Variants in CFAP65 observed in about 807,000 individuals in gnomAD.
CFAP65 encodes the protein cilia and flagella associated protein 65, also known as cilia- and flagella-associated protein 65.
Under a neutral mutation model 208.0 loss-of-function variants are expected in CFAP65, and 155 were observed. The observed-to-expected ratio is 0.75, with a 90% CI of 0.65 to 0.85. The LOEUF (loss-of-function observed/expected upper bound fraction) is 0.85, where lower values mean the gene tolerates loss of function less well. CFAP65 is among the 40% of genes least tolerant of loss of function. The pLI is 0.00. For synonymous variants in CFAP65, 970 were observed against 986.3 expected, an observed-to-expected ratio of 0.98 and a Z score of 0.31; for missense variants, 2,294 against 2,451.3, an observed-to-expected ratio of 0.94 and a Z score of 1.36.
chr2:219,038,850 A>T (rs1402288648), intron 3 of CFAP65, 46 bp downstream of exon 3: 3 of 1,563,232 alleles, frequency 1.9e-6, no homozygotes, highest in Non-Finnish European at 2.6e-6. Context: ...CACACTTGGC[A>T]CTGCTCAGCA....
chr2:219,009,608 G>A (rs1946288297), intron 27 of CFAP65, 148 bp from the exon 28 acceptor site: 23 of 534,102 alleles, frequency 4.3e-5, no homozygotes, highest in South Asian at 4.2e-4. Flanking sequence ...GGATGGGATG[G>A]GACAAGATGG....
At chr2:219,027,493 G>A in intron 13 of CFAP65, 157 bp downstream of exon 13, 3 of 1,587,080 alleles carry the variant, frequency 1.9e-6, no homozygotes, top group Non-Finnish European at 2.6e-6. Context: ...AGCTTTGGAG[G>A]AGACAAACTC....
chr2:219,029,630 T>C lies in CFAP65; in HGVS notation c.1423A>G (p.Ser475Gly), dbSNP rs1451178675. ...VSLQHYCVNF[S>G]WVNLGERSEQ... ...GAGCGCTCCCCAAGGTTGACCCAGCTGAAGTTGACACAGTAGTGCTGCAGG... is the reference window on the plus strand; with the variant it reads ...GAGCGCTCCCCAAGGTTGACCCAGCCGAAGTTGACACAGTAGTGCTGCAGG... Residue 475 changes from serine (S) to glycine (G), a missense_variant, in exon 11 of 35, where the codon AGC becomes GGC. Ser to Gly is a moderately conservative substitution (Grantham distance 56, BLOSUM62 0). This residue lies in a region of CFAP65 where 867 missense variants were observed against 1,012.6 expected (regional missense o/e 0.86). Transcript: ENST00000341552. 6.2e-7 allele frequency: 1 copy of C among 1,614,050 alleles called. No individual in the cohort carries two copies. Among genetic ancestry groups the C allele is most frequent in the South Asian group, 1.1e-5 (1 of 91,080 alleles).
rs1175686541 is a variant in CFAP65 at position 219,004,869 on chromosome 2, T to C, written c.5052-414A>G. Among the ~76,000 whole-genome samples the C allele has an allele frequency of 6.8e-6, 1 of 146,302 alleles. No individual in the cohort carries two copies. Among genetic ancestry groups the C allele is most frequent in the Non-Finnish European group, 1.5e-5 (1 of 67,926 alleles). On this transcript the variant is annotated intron_variant, in intron 32 of 34. Transcript: ENST00000341552. The surrounding 1 kb of genome is among the most constrained non-coding windows in gnomAD (Gnocchi z 4.7). Reference sequence around the variant, plus strand: ...GTGGTGGGATCTTGCAAAGAAGTTCTGTTTCTTTTTTTCTTTTCTCTCTCT... The same window carrying C: ...GTGGTGGGATCTTGCAAAGAAGTTCCGTTTCTTTTTTTCTTTTCTCTCTCT...
At chr2:219,022,127 G>A (rs200482738) in intron 17 of CFAP65, 44 bp downstream of exon 17, 55 of 1,527,374 alleles carry the variant, frequency 3.6e-5, no homozygotes, top group Admixed American at 2.6e-4. Flanking sequence ...CCACCTGTCC[G>A]GGCCTCTCCC....
Position 219,039,054 on chromosome 2 carries a change from A to C in CFAP65, c.-2-4T>G. On this transcript the variant is annotated splice_region_variant and splice_polypyrimidine_tract_variant and intron_variant, in intron 2 of 34. Coordinates refer to ENST00000341552, the MANE Select transcript of CFAP65 (RefSeq NM_194302.4). ...CAACCGGTTAAGGTAAACATCACTG[A>C]AATAAATCAATCAAAGCATAAGTCA... 1.3e-6 allele frequency: 2 copies of C among 1,597,484 alleles called. No individual in the cohort carries two copies. The highest frequency in any genetic ancestry group is 1.7e-6 in the Non-Finnish European group (2 of 1,171,244).
In CFAP65 at chr2:219,031,136, G is replaced by T; in HGVS notation, c.985C>A (p.Gln329Lys). Residue 329 changes from glutamine to lysine, a missense_variant, in exon 8 of 35, where the codon CAG becomes AAG. Physicochemically the swap from Gln to Lys is moderately conservative, Grantham distance 53 (BLOSUM62 1). Transcript: ENST00000341552. The surrounding 1 kb of genome is among the most constrained non-coding windows in gnomAD (Gnocchi z 5.2). Reference sequence around the variant, plus strand: ...GCCTGCAGCTGGATGCTGCTCCTCTGCCGGCTGCCCGCCCCGTACCAGCAC... The same window carrying T: ...GCCTGCAGCTGGATGCTGCTCCTCTTCCGGCTGCCCGCCCCGTACCAGCAC... ...ATCWYGAGSR[Q>K]RSSIQLQAVA... 6.2e-7 allele frequency: 1 copy of T among 1,600,820 alleles called. No individual in the cohort carries two copies.
chr2:219,021,657 C>T, intron 18 of CFAP65, 123 bp downstream of exon 18: 1 of 1,104,580 alleles, frequency 9.1e-7, no homozygotes. Flanking sequence ...GCAATACTCC[C>T]ACCTCAGCTT....
At chr2:219,026,273 C>T (rs1266584908) in intron 13 of CFAP65, 114 bp from the exon 14 acceptor site, 2 of 1,121,790 alleles carry the variant, frequency 1.8e-6, no homozygotes, top group Non-Finnish European at 2.5e-6. Context: ...TGGACACAGA[C>T]AGGAGGGCCT....
chr2:219,040,865 C>G (rs975191692), intron 1 of CFAP65, among the ~76,000 whole-genome samples: 1 of 152,224 alleles, frequency 6.6e-6, no homozygotes, highest in African/African-American at 2.4e-5. Flanking sequence ...ATTTCTCCAT[C>G]TCCCGGAGCC....
chr2:219,023,560 G>A (rs955845353), intron 15 of CFAP65, 129 bp from the exon 16 acceptor site: 2 of 676,008 alleles, frequency 3.0e-6, no homozygotes, highest in Non-Finnish European at 5.2e-6. Flanking sequence ...CCCTCTGCCA[G>A]CCCGTGTACC....
rs1321508903 is a variant in CFAP65, at chr2:219,023,381, G to A, written c.2646C>T (p.Thr882=). 1.2e-6 allele frequency: 2 copies of A among 1,600,872 alleles called. No homozygotes were observed. The highest frequency in any genetic ancestry group is 1.3e-5 in the African/African-American group (1 of 74,796). Residue 882 remains threonine (T), a synonymous_variant, in exon 16 of 35, where the codon ACC becomes ACT. Transcript: ENST00000341552. Reference sequence around the variant, plus strand: ...TGGGCTTGAAGTAGAGGCTTTTGTGGGTGTCCAGCTTCAGCTGCAGTGGCT... The same window carrying A: ...TGGGCTTGAAGTAGAGGCTTTTGTGAGTGTCCAGCTTCAGCTGCAGTGGCT... The part of the protein sequence containing the change: ...REEPLQLKLD[T]HKSLYFKPTW...
chr2:219,024,486 CAGGGGG>C (rs1947500493), intron 14 of CFAP65, among the ~76,000 whole-genome samples: 1 of 8,292 alleles, frequency 1.2e-4, no homozygotes, highest in African/African-American at 1.0e-3. Flanking sequence ...GGGGGGGGGG[CAGGGGG>C]GCGGGGGCAC....
chr2:219,038,583 G>A lies in CFAP65; in HGVS notation c.154-5C>T. 1 of 1,611,760 alleles carries A rather than the reference G, an allele frequency of 6.2e-7. No individual in the cohort carries two copies. The highest frequency in any genetic ancestry group is 8.5e-7 in the Non-Finnish European group (1 of 1,178,406). ...GGGAGCACTCTGAGTATGGAGCTGGGAAGAGAGCAGAGGGGAGAGGAGACA... is the reference window on the plus strand; with the variant it reads ...GGGAGCACTCTGAGTATGGAGCTGGAAAGAGAGCAGAGGGGAGAGGAGACA... On this transcript the variant is annotated splice_polypyrimidine_tract_variant and splice_region_variant and intron_variant, in intron 3 of 34. Transcript: ENST00000341552.
intron 21 of CFAP65, among the ~76,000 whole-genome samples, chr2:219,016,337 C>G (rs571623441): frequency 6.8e-6 from 1 of 146,384 alleles, no homozygotes; most frequent in South Asian, 2.2e-4. Flanking sequence ...CTCTGTCACC[C>G]AGGCTAGAGT....
At chr2:219,025,924 T>C (rs1947598679) in intron 14 of CFAP65, 98 bp downstream of exon 14, 2 of 1,471,288 alleles carry the variant, frequency 1.4e-6, no homozygotes, top group South Asian at 1.2e-5. Context: ...CAAAGATGTG[T>C]TTCTGAGGCC....
In CFAP65 at chr2:219,035,179, T is replaced by C. The variant is rs149325885; in HGVS notation, c.542+301A>G. On this transcript the variant is annotated intron_variant, in intron 5 of 34. Transcript: ENST00000341552. ...TACCTGGTATTCCCCAGAAAAACTC[T>C]TGTACTTATGTAACTGGACACATAT... 610 of 742,608 alleles carry C rather than the reference T, an allele frequency of 8.2e-4. 3 individuals are homozygous for C. In the African/African-American group the frequency reaches 9.0e-3, roughly 11 times the overall value. The allele number at this position is 742,608 out of a possible 1,614,324, so 46.0% of individuals were successfully genotyped here. A position where few individuals can be genotyped will look rare whatever the true frequency, so the allele number is the denominator to read the frequency against.
rs1946423685 is a variant in CFAP65 at position 219,010,819 on chromosome 2, C to A, written c.4135G>T (p.Ala1379Ser). 1 of 1,606,302 alleles carries A rather than the reference C, an allele frequency of 6.2e-7. No individual in the cohort carries two copies. The highest frequency in any genetic ancestry group is 1.7e-5 in the Admixed American group (1 of 59,638). Residue 1379 changes from alanine (A) to serine (S), a missense_variant, in exon 25 of 35, where the codon GCC (alanine) becomes TCC (serine). Around this residue, in one of 2 missense-constraint regions of CFAP65, gnomAD observed 1,427 missense variants for 1,438.7 expected, o/e 0.99. Transcript: ENST00000341552. ...RVLWIFSPIE[A>S]KTYTVDVPIH... ...TTGCTGCTCACCGTGTAGGTCTTGG[C>A]CTCGATAGGTGAGAAGATCCACAAG...
Position 219,014,021 on chromosome 2 carries a change from T to G in CFAP65, c.3626A>C (p.Gln1209Pro). The change falls in exon 22 of 35, where the codon CAG (glutamine) becomes CCG (proline). Residue 1209 changes from glutamine (Q) to proline (P), a missense_variant. Transcript: ENST00000341552. ...TGCCCAGAGCTCCACGTCAATCCGC[T>G]GGTCACTTGGAAGGAGGAAGGCCCT... The part of the protein sequence containing the change: ...LDWAFLLPSD[Q>P]RIDVELWAEQ... The G allele has an allele frequency of 6.2e-7, 1 of 1,612,470 alleles. No homozygotes were observed. The highest frequency in any genetic ancestry group is 8.5e-7 in the Non-Finnish European group (1 of 1,179,148).
Sources: allele counts gnomAD v4.1 joint callset (sites outside exome capture counted in the v4.1 genomes callset), GRCh38; gene constraint gnomAD v4.1.1; regional missense constraint gnomAD v4.1.1; non-coding constraint Gnocchi (gnomAD v3.1); transcripts MANE v1.5; gene names NCBI Gene and HGNC (gene_info 2026-07-23, HGNC 2026-07-21).